Variants in CYP4V2 observed in about 807,000 individuals in gnomAD.
The protein encoded by CYP4V2 is cytochrome P450 family 4 subfamily V member 2.
A neutral mutation model predicts 60.8 loss-of-function variants in CYP4V2; 55 were observed. The observed-to-expected ratio is 0.90, with a 90% CI of 0.73 to 1.13. The LOEUF (loss-of-function observed/expected upper bound fraction) is 1.13. CYP4V2 is among the 50% of genes most tolerant of loss of function. The pLI, the probability that CYP4V2 is intolerant of heterozygous loss-of-function variation, is 0.00. For synonymous variants in CYP4V2, 239 were observed against 236.8 expected, an observed-to-expected ratio of 1.01 and a Z score of -0.08; for missense variants, 675 against 662.9, an observed-to-expected ratio of 1.02 and a Z score of -0.20.
chr4:186,204,899 C>G, intron 7 of CYP4V2: 1 of 435,864 alleles, frequency 2.3e-6, no homozygotes, highest in Non-Finnish European at 4.3e-6. Context: ...TTGTTCTGTT[C>G]ACAAAGGCGC....
intron 2 of CYP4V2, among the ~76,000 whole-genome samples, chr4:186,194,981 G>T (rs553102530): frequency 6.6e-5 from 10 of 152,276 alleles, no homozygotes; most frequent in African/African-American, 2.4e-4. Context: ...CCCTCAAGTT[G>T]CTCAGGGTCT....
Position 186,205,187 on chromosome 4 carries a change from T to A in CYP4V2, c.988-13T>A, listed in dbSNP as rs973257904. ...AACTCTGCTTTTTAAGCTATTGTTT[T>A]CTGCATTTGTAGGGGCACGATACAA... On this transcript the variant is annotated splice_polypyrimidine_tract_variant and intron_variant, in intron 7 of 10. Coordinates refer to ENST00000378802, the MANE Select transcript of CYP4V2 (RefSeq NM_207352.4). The A allele has an allele frequency of 6.2e-7, 1 of 1,613,268 alleles. No individual in the cohort carries two copies. Among genetic ancestry groups the A allele is most frequent in the African/African-American group, 1.3e-5 (1 of 74,928 alleles).
chr4:186,209,041 T>G, intron 9 of CYP4V2, 42 bp downstream of exon 9: 2 of 1,614,188 alleles, frequency 1.2e-6, no homozygotes, highest in Non-Finnish European at 8.5e-7. Context: ...AGGGAAACTT[T>G]CTAATGTCTA....
In CYP4V2 at chr4:186,191,953, T is replaced by C. The variant is rs119103282; in HGVS notation, c.130T>C (p.Trp44Arg). The change falls in exon 1 of 11, where the codon TGG (tryptophan) becomes CGG (arginine). Residue 44 changes from tryptophan (W) to arginine (R), a missense_variant. Physicochemically the swap from Trp to Arg is moderately radical, Grantham distance 101 (BLOSUM62 -3). Transcript: ENST00000378802. ...LQRVASYARK[W>R]QQMRPIPTVA... is the part of the protein sequence containing the mutation. ...GAGGGTGGCGAGCTACGCGCGGAAA[T>C]GGCAGCAGATGCGGCCCATCCCCAC... 3 of 1,588,292 alleles carry C rather than the reference T, an allele frequency of 1.9e-6. No homozygotes were observed. The highest frequency in any genetic ancestry group is 1.7e-4 in the Middle Eastern group (1 of 5,968).
intron 1 of CYP4V2, among the ~76,000 whole-genome samples, chr4:186,193,560 CCTTTA>C (rs1171714630): frequency 2.0e-5 from 3 of 152,112 alleles, no homozygotes; most frequent in African/African-American, 7.2e-5. Flanking sequence ...TTTTCTTTCT[CCTTTA>C]CTTGTTAAAG....
At chr4:186,201,392 G>A (rs753710449) in intron 7 of CYP4V2, 50 bp downstream of exon 7, 2 of 1,585,778 alleles carry the variant, frequency 1.3e-6, no homozygotes, top group African/African-American at 2.7e-5. Flanking sequence ...TTCAGTTATT[G>A]TTAGAATCTT....
chr4:186,207,412 C>CAAAAAAAA (rs10651706), intron 8 of CYP4V2, among the ~76,000 whole-genome samples: 2 of 117,760 alleles, frequency 1.7e-5, no homozygotes, highest in Non-Finnish European at 1.7e-5. Flanking sequence ...ACTCTGTCTC[C>CAAAAAAAA]AAAAAAAAAA....
intron 3 of CYP4V2, 37 bp from the exon 4 acceptor site, chr4:186,196,903 T>C (rs1173999240): frequency 3.1e-6 from 5 of 1,587,472 alleles, no homozygotes; most frequent in Non-Finnish European, 4.3e-6. Context: ...TCTCTCTCTG[T>C]AGATATATTT....
intron 10 of CYP4V2, 108 bp downstream of exon 10, chr4:186,209,380 T>A (rs1378162490): frequency 5.1e-6 from 6 of 1,175,524 alleles, no homozygotes; most frequent in African/African-American, 3.1e-5. Context: ...GCAACAGCCT[T>A]AAAAAAAAAA....
At chr4:186,208,785 A>G in intron 8 of CYP4V2, 80 bp from the exon 9 acceptor site, 1 of 1,595,254 alleles carries the variant, frequency 6.3e-7, no homozygotes, top group Non-Finnish European at 8.6e-7. Flanking sequence ...CCATGCCTTG[A>G]TCCACCTGTT....
At chr4:186,206,182 G>A (rs1736494873) in intron 8 of CYP4V2, among the ~76,000 whole-genome samples, 1 of 152,182 alleles carries the variant, frequency 6.6e-6, no homozygotes, top group African/African-American at 2.4e-5. Flanking sequence ...CTCTGGGTGT[G>A]AGTGTGTGCA....
In CYP4V2 at chr4:186,196,088, G is replaced by A. The variant is rs764970229; in HGVS notation, c.413G>A (p.Ser138Asn). The stretch of plus-strand genomic sequence containing the variant: ...TGGCTTGGCCTAGGACTTCTTACAA[G>A]GTATGCCAGTGTACCTTTGTAAAGC... ...EPWLGLGLLT[S>N]TGNKWRSRRK... is the part of the protein sequence containing the mutation. Residue 138 changes from serine (S) to asparagine (N), a missense_variant and splice_region_variant, in exon 3 of 11, where the codon AGT (serine) becomes AAT (asparagine). Coordinates refer to ENST00000378802, the MANE Select transcript of CYP4V2 (RefSeq NM_207352.4). 6.2e-7 allele frequency: 1 copy of A among 1,611,536 alleles called. No homozygotes were observed. The highest frequency in any genetic ancestry group is 8.5e-7 in the Non-Finnish European group (1 of 1,177,644).
At position 186,196,949 on chromosome 4, in the gene CYP4V2, C is replaced by A. The variant is rs370950185; in HGVS notation, c.423C>A (p.Asn141Lys). 6.2e-7 allele frequency: 1 copy of A among 1,612,950 alleles called. No homozygotes were observed. The highest frequency in any genetic ancestry group is 1.7e-5 in the Admixed American group (1 of 60,010). ...LGLGLLTSTG[N>K]KWRSRRKMLT... ...CATATTTTATTTCTAGTACTGGAAA[C>A]AAATGGCGCTCCAGGAGAAAGATGT... Residue 141 changes from asparagine (N) to lysine (K), a missense_variant, in exon 4 of 11, where the codon AAC (asparagine) becomes AAA (lysine). Physicochemically the swap from Asn to Lys is moderately conservative, Grantham distance 94. Coordinates refer to ENST00000378802, the MANE Select transcript of CYP4V2 (RefSeq NM_207352.4).
In CYP4V2 at chr4:186,212,430, T is replaced by G. The variant is rs1736755054; in HGVS notation, c.*1789T>G. ...ATAACTGACACGTGTTCACTGAATT[T>G]TAATTTGATAGGCAATACATCTACC... On this transcript the variant is annotated 3_prime_UTR_variant, in exon 11 of 11. Transcript: ENST00000378802. The G allele has an allele frequency of 6.6e-6, 1 of 152,266 alleles. No individual in the cohort carries two copies. The highest frequency in any genetic ancestry group is 1.9e-4 in the East Asian group (1 of 5,206). 9.4% of individuals were successfully genotyped at this position (152,266 alleles called of 1,614,324 possible). A position where few individuals can be genotyped will look rare whatever the true frequency, so the allele number is the denominator to read the frequency against.
At chr4:186,196,374 A>G in intron 3 of CYP4V2, 1 of 459,860 alleles carries the variant, frequency 2.2e-6, no homozygotes, top group South Asian at 2.1e-5. Flanking sequence ...GACGGGATGG[A>G]GGACACAGTA....
At chr4:186,204,156 A>G (rs955016562) in intron 7 of CYP4V2, 2 of 158,046 alleles carry the variant, frequency 1.3e-5, no homozygotes, top group African/African-American at 4.8e-5. Flanking sequence ...GTTGCCCGAG[A>G]CATTACACTA....
rs1174099009 is a variant in CYP4V2, at chr4:186,211,955, A to G, written c.*1314A>G. 1 of 152,154 alleles carries G rather than the reference A, an allele frequency of 6.6e-6. No individual in the cohort carries two copies. Among genetic ancestry groups the G allele is most frequent in the African/African-American group, 2.4e-5 (1 of 41,444 alleles). The allele number at this position is 152,154 out of a possible 1,614,324, so 9.4% of individuals were successfully genotyped here. A position where few individuals can be genotyped will look rare whatever the true frequency, so the allele number is the denominator to read the frequency against. ...TATATCATATTATTGGAAGAGATTC[A>G]TCTTCATAATCTCCAGTTTTTTCAC... On this transcript the variant is annotated 3_prime_UTR_variant, in exon 11 of 11. Transcript: ENST00000378802.
intron 1 of CYP4V2, 66 bp downstream of exon 1, chr4:186,192,103 C>G: frequency 6.6e-7 from 1 of 1,518,396 alleles, no homozygotes; most frequent in South Asian, 1.2e-5. Flanking sequence ...CTCCGATCAG[C>G]CAGGAACCCG....
rs1259281571 is a variant in CYP4V2, at chr4:186,195,273, T to C, written c.327+661T>C. On this transcript the variant is annotated intron_variant, in intron 2 of 10. Coordinates refer to ENST00000378802, the MANE Select transcript of CYP4V2 (RefSeq NM_207352.4). This position sits in a 1 kb window ranked among gnomAD's most constrained non-coding sequence, Gnocchi z 4.1. ...CATGTCTTTCTAATTATGGTGAAAA[T>C]GTTGGAGTTTCTCTTGCTTCTCCAG... Among the ~76,000 whole-genome samples, 1 of 152,132 alleles carries C rather than the reference T, an allele frequency of 6.6e-6. No individual in the cohort carries two copies. Among genetic ancestry groups the C allele is most frequent in the Non-Finnish European group, 1.5e-5 (1 of 68,036 alleles).
Sources: gnomAD v4.1 joint callset for allele counts (sites outside exome capture counted in the v4.1 genomes callset) on GRCh38, gnomAD v4.1.1 for gene constraint, Gnocchi (gnomAD v3.1) non-coding constraint, MANE v1.5 for transcripts, NCBI Gene and HGNC (gene_info 2026-07-23, HGNC 2026-07-21) for gene names.